The following FBN1 variants were observed in gnomAD, a reference collection of about 807,000 sequenced individuals.
The protein encoded by FBN1 is fibrillin-1.
In FBN1, 29 loss-of-function variants were observed where a neutral mutation model predicts 365.1. That is an observed-to-expected ratio of 0.08 (90% CI 0.06 to 0.11). FBN1 has a LOEUF of 0.11. FBN1 is among the 10% of genes least tolerant of loss of function. The pLI is 1.00. For missense variants in FBN1, 2,476 were observed against 3,703.2 expected (o/e 0.67, Z 8.60); for synonymous variants, 1,210 against 1,270.5 (o/e 0.95, Z 1.01).
At chr15:48,645,009 A>G (rs906722096) in intron 1 of FBN1, 59 bp from the exon 2 acceptor site, 1 of 331,400 alleles carries the variant, frequency 3.0e-6, no homozygotes, top group Admixed American at 5.1e-5. Context: ...GGGATGCTGA[A>G]GCCTCGCGGT....
chr15:48,594,279 G>A (rs1317030966), intron 6 of FBN1, among the ~76,000 whole-genome samples: 2 of 152,100 alleles, frequency 1.3e-5, no homozygotes, highest in African/African-American at 4.8e-5. Flanking sequence ...TGTACCCGTG[G>A]GTAAAACAGG....
chr15:48,411,295 C>A lies in FBN1; in HGVS notation c.8311G>T (p.Val2771Phe). 1 of 1,614,020 alleles carries A rather than the reference C, an allele frequency of 6.2e-7. No homozygotes were observed. Among genetic ancestry groups the A allele is most frequent in the Non-Finnish European group, 8.5e-7 (1 of 1,179,948 alleles). ...TCTAGGATTCGAACCTTGTTACTGA[C>A]GTGGGAAATATTGAAAGCAAAGATG... Reference protein sequence around the residue: ...TAIFAFNISHVSNKVRILELL... With the variant: ...TAIFAFNISHFSNKVRILELL... Residue 2771 changes from valine to phenylalanine, a missense_variant, in exon 66 of 66, where the codon GTC becomes TTC. By Grantham distance (50) the Val-to-Phe change is conservative. Transcript: ENST00000316623.
At chr15:48,484,991 G>A (rs905824372) in intron 30 of FBN1, among the ~76,000 whole-genome samples, 1 of 152,170 alleles carries the variant, frequency 6.6e-6, no homozygotes, top group African/African-American at 2.4e-5. Flanking sequence ...CTGGAATGGG[G>A]CCTGAGATTT....
At chr15:48,437,149 A>T in intron 52 of FBN1, 72 bp from the exon 53 acceptor site, 1 of 1,223,952 alleles carries the variant, frequency 8.2e-7, no homozygotes, top group Non-Finnish European at 1.2e-6. Flanking sequence ...TGATCATTTC[A>T]GTGTTTAATC....
intron 56 of FBN1, 101 bp from the exon 57 acceptor site, chr15:48,428,572 T>G: frequency 7.7e-7 from 1 of 1,295,684 alleles, no homozygotes; most frequent in Non-Finnish European, 1.1e-6. Context: ...CCCTCCCTCC[T>G]TCCCTCCCTT....
At chr15:48,460,567 C>T (rs1445580671) in intron 42 of FBN1, among the ~76,000 whole-genome samples, 1 of 152,210 alleles carries the variant, frequency 6.6e-6, no homozygotes, top group East Asian at 1.9e-4. Context: ...TCACATGCCA[C>T]TCATTCACAT....
chr15:48,620,853 G>C (rs1292082355), intron 2 of FBN1, among the ~76,000 whole-genome samples: 2 of 152,070 alleles, frequency 1.3e-5, no homozygotes, highest in South Asian at 2.1e-4. Flanking sequence ...AAGGAATCAG[G>C]GCTCCTGGGA....
At chr15:48,645,282 C>A (rs1298768290) in intron 1 of FBN1, among the ~76,000 whole-genome samples, 1 of 152,190 alleles carries the variant, frequency 6.6e-6, no homozygotes, top group Non-Finnish European at 1.5e-5. Flanking sequence ...TCTGAACGCC[C>A]CACTCCTCAG....
At chr15:48,633,929 C>G (rs940636157) in intron 2 of FBN1, among the ~76,000 whole-genome samples, 3 of 152,176 alleles carry the variant, frequency 2.0e-5, no homozygotes, top group African/African-American at 7.2e-5. Flanking sequence ...AGCACTTGTT[C>G]CTGGACCTTC....
chr15:48,558,024 A>G (rs1274799130), intron 6 of FBN1, among the ~76,000 whole-genome samples: 4 of 151,770 alleles, frequency 2.6e-5, no homozygotes, highest in African/African-American at 9.7e-5. Context: ...TTTTTTAAAA[A>G]CTCTTAAACA....
At chr15:48,418,815 A>G (rs939727125) in intron 63 of FBN1, among the ~76,000 whole-genome samples, 2 of 152,236 alleles carry the variant, frequency 1.3e-5, no homozygotes, top group African/African-American at 4.8e-5. Flanking sequence ...CAAAGGTTTC[A>G]GCATCCAGCT....
chr15:48,422,058 C>G lies in FBN1; in HGVS notation c.7464G>C (p.Glu2488Asp). 1 of 1,611,826 alleles carries G rather than the reference C, an allele frequency of 6.2e-7. No homozygotes were observed. The highest frequency in any genetic ancestry group is 8.5e-7 in the Non-Finnish European group (1 of 1,178,008). Residue 2488 changes from glutamate to aspartate, a missense_variant, in exon 61 of 66, where the codon GAG becomes GAC. By Grantham distance (45) the Glu-to-Asp change is conservative (BLOSUM62 2). Around this residue, in one of 5 missense-constraint regions of FBN1, gnomAD observed 1,780 missense variants for 2,840.8 expected, o/e 0.63. Coordinates refer to ENST00000316623, the MANE Select transcript of FBN1 (RefSeq NM_000138.5). ...GGCAGTTGTGTTGCTTGGTTGCACA[C>G]TCATCAAGATCTACAAGAAAATGCA... ...EDGRSCKDLD[E>D]CATKQHNCQF...
At chr15:48,551,942 T>C (rs1237058002) in intron 6 of FBN1, among the ~76,000 whole-genome samples, 1 of 152,222 alleles carries the variant, frequency 6.6e-6, no homozygotes, top group Non-Finnish European at 1.5e-5. Flanking sequence ...TCTTTGCTAT[T>C]GTGAATAGTG....
intron 2 of FBN1, among the ~76,000 whole-genome samples, chr15:48,637,737 A>G (rs1890120368): frequency 6.6e-6 from 1 of 152,234 alleles, no homozygotes; most frequent in African/African-American, 2.4e-5. Context: ...CAGTTCCTAG[A>G]TGTTCCTAGA....
At chr15:48,451,352 C>T (rs933627683) in intron 45 of FBN1, among the ~76,000 whole-genome samples, 1 of 152,186 alleles carries the variant, frequency 6.6e-6, no homozygotes, top group East Asian at 1.9e-4. Flanking sequence ...ATATCAGAGA[C>T]GTCCCTGCTT....
chr15:48,484,215 T>A (rs1322536311), intron 30 of FBN1, among the ~76,000 whole-genome samples: 1 of 152,210 alleles, frequency 6.6e-6, no homozygotes, highest in African/African-American at 2.4e-5. Flanking sequence ...TTCTTTCATT[T>A]AATTTATCAT....
intron 6 of FBN1, among the ~76,000 whole-genome samples, chr15:48,588,758 A>G (rs2044454459): frequency 6.6e-6 from 1 of 152,188 alleles, no homozygotes; most frequent in South Asian, 2.1e-4. Context: ...AGTGATGGGA[A>G]GCGGGTTACT....
chr15:48,592,080 A>C (rs1279930216), intron 6 of FBN1, among the ~76,000 whole-genome samples: 4 of 152,216 alleles, frequency 2.6e-5, no homozygotes, highest in African/African-American at 9.6e-5. Flanking sequence ...TACTCAGTAC[A>C]TGTCAGCTGT....
At chr15:48,435,766 G>GTATATA (rs1566895668) in intron 53 of FBN1, among the ~76,000 whole-genome samples, 1 of 28,146 alleles carries the variant, frequency 3.6e-5, no homozygotes, top group Non-Finnish European at 6.5e-5. Flanking sequence ...GTATATATAT[G>GTATATA]TGTATATGTG....
Sources: allele counts gnomAD v4.1 joint callset (sites outside exome capture counted in the v4.1 genomes callset), GRCh38; gene constraint gnomAD v4.1.1; regional missense constraint gnomAD v4.1.1; transcripts MANE v1.5; gene names NCBI Gene and HGNC (gene_info 2026-07-23, HGNC 2026-07-21).